RANBP2: variants seen among roughly 807,000 people sequenced by gnomAD.
RANBP2 encodes the protein RAN binding protein 2.
In RANBP2, 57 loss-of-function variants were observed where a neutral mutation model predicts 303.6. That is an observed-to-expected ratio of 0.19 (90% CI 0.15 to 0.23). The LOEUF (loss-of-function observed/expected upper bound fraction) is 0.23. Among genes scored for constraint, RANBP2 ranks in the 10% least tolerant of loss-of-function variants. RANBP2 has a pLI of 1.00. For synonymous variants in RANBP2, 1,167 were observed against 1,301.5 expected (o/e 0.90, Z 2.23); for missense variants, 3,138 against 3,780.8 (o/e 0.83, Z 4.46).
chr2:109,433,139 A>G, the RANBP2 span, among the ~76,000 whole-genome samples: 1 of 152,206 alleles, frequency 6.6e-6, no homozygotes, highest in Non-Finnish European at 1.5e-5. Context: ...TGTAAGCACA[A>G]GGTGTGTGCG....
chr2:109,243,851 G>T, the RANBP2 span, among the ~76,000 whole-genome samples: 25 of 152,196 alleles, frequency 1.6e-4, no homozygotes, highest in African/African-American at 5.8e-4. Context: ...ACGTGATCTG[G>T]TTTGCTTTAG....
At chr2:109,470,179 A>C in the RANBP2 span, among the ~76,000 whole-genome samples, 1 of 152,162 alleles carries the variant, frequency 6.6e-6, no homozygotes, top group African/African-American at 2.4e-5. Flanking sequence ...TCTCCTCACC[A>C]AAGGCTCCTG....
At chr2:108,805,670 T>C in the RANBP2 span, among the ~76,000 whole-genome samples, 1 of 151,664 alleles carries the variant, frequency 6.6e-6, no homozygotes, top group African/African-American at 2.4e-5. Context: ...GAGCTTGCAG[T>C]GAGCCGAGAT....
chr2:109,526,169 A>G, the RANBP2 span, among the ~76,000 whole-genome samples: 1 of 152,122 alleles, frequency 6.6e-6, no homozygotes, highest in African/African-American at 2.4e-5. Flanking sequence ...TTTGTCTCTC[A>G]GGAAAGCTCA....
the RANBP2 span, among the ~76,000 whole-genome samples, chr2:109,245,306 A>T: frequency 1.3e-4 from 20 of 152,158 alleles, no homozygotes; most frequent in African/African-American, 4.8e-4. Flanking sequence ...GGTGAGGCCC[A>T]TGCCTGTGGT....
intron 7 of RANBP2, among the ~76,000 whole-genome samples, chr2:108,742,058 G>A (rs1419714177): frequency 7.3e-5 from 11 of 151,540 alleles, no homozygotes; most frequent in Admixed American, 5.3e-4. Flanking sequence ...GTGCAGTGGC[G>A]CGATCTGGCT....
the RANBP2 span, among the ~76,000 whole-genome samples, chr2:109,692,824 T>C: frequency 1.3e-5 from 2 of 151,160 alleles, no homozygotes; most frequent in Non-Finnish European, 3.0e-5. Context: ...TTCTTTCTTT[T>C]TTTTTTTTTT....
chr2:109,632,010 A>C, the RANBP2 span, among the ~76,000 whole-genome samples: 223 of 152,090 alleles, frequency 1.5e-3, 1 homozygote, highest in Non-Finnish European at 2.4e-3. Flanking sequence ...TGAAGAGAGG[A>C]GGGGGGTCTG....
chr2:108,823,756 G>A, the RANBP2 span, among the ~76,000 whole-genome samples: 1 of 152,196 alleles, frequency 6.6e-6, no homozygotes, highest in Non-Finnish European at 1.5e-5. Context: ...CAAGGCAGGC[G>A]ATTACCTGAG....
At chr2:109,131,918 A>G in the RANBP2 span, among the ~76,000 whole-genome samples, 2 of 152,222 alleles carry the variant, frequency 1.3e-5, no homozygotes, top group Non-Finnish European at 2.9e-5. Context: ...TTCACACTAC[A>G]CTAGCACTAT....
At chr2:109,191,704 G>A in the RANBP2 span, among the ~76,000 whole-genome samples, 30 of 152,180 alleles carry the variant, frequency 2.0e-4, no homozygotes, top group Admixed American at 1.9e-3. Flanking sequence ...GGACCAGTGC[G>A]TTTCTCCTTG....
the RANBP2 span, among the ~76,000 whole-genome samples, chr2:108,926,769 G>C: frequency 6.6e-6 from 1 of 152,236 alleles, no homozygotes; most frequent in East Asian, 1.9e-4. Context: ...AGAAGCACCT[G>C]CCAAACCGCA....
the RANBP2 span, among the ~76,000 whole-genome samples, chr2:109,641,543 A>G: frequency 6.6e-6 from 1 of 152,234 alleles, no homozygotes; most frequent in Non-Finnish European, 1.5e-5. Flanking sequence ...TACAGTAGTC[A>G]AATTCATAGA....
the RANBP2 span, chr2:108,815,943 A>G: frequency 1.2e-6 from 2 of 1,604,054 alleles, no homozygotes; most frequent in South Asian, 1.1e-5. Context: ...ACATATAGGT[A>G]CCACTTAATG....
chr2:109,390,830 G>A, the RANBP2 span, among the ~76,000 whole-genome samples: 7 of 152,214 alleles, frequency 4.6e-5, no homozygotes, highest in Non-Finnish European at 8.8e-5. Context: ...CCCAGGGTGT[G>A]CAGATTCATG....
the RANBP2 span, among the ~76,000 whole-genome samples, chr2:108,835,773 A>T: frequency 6.6e-6 from 1 of 152,188 alleles, no homozygotes; most frequent in African/African-American, 2.4e-5. Context: ...CTCAGTACCA[A>T]TTGTCTCTGT....
the RANBP2 span, chr2:108,907,760 C>T: frequency 7.2e-7 from 1 of 1,398,094 alleles, no homozygotes; most frequent in South Asian, 1.2e-5. Flanking sequence ...GGAGAAACAC[C>T]CCGTCTTGCA....
chr2:109,368,102 A>T, the RANBP2 span, among the ~76,000 whole-genome samples: 1 of 152,214 alleles, frequency 6.6e-6, no homozygotes, highest in African/African-American at 2.4e-5. Flanking sequence ...TTCTTCTTTC[A>T]TGAGTTCCCT....
chr2:109,538,727 C>A, the RANBP2 span, among the ~76,000 whole-genome samples: 5 of 152,112 alleles, frequency 3.3e-5, no homozygotes, highest in African/African-American at 1.2e-4. Context: ...GCCATGTTGG[C>A]CAGGCTGGTC....
Sources: gnomAD v4.1 joint callset for allele counts (sites outside exome capture counted in the v4.1 genomes callset) on GRCh38, gnomAD v4.1.1 for gene constraint, MANE v1.5 for transcripts, NCBI Gene and HGNC (gene_info 2026-07-23, HGNC 2026-07-21) for gene names.